Variants in FBXO17 observed in about 807,000 individuals in gnomAD.
FBXO17 encodes F-box protein 17, also known as F-box only protein 17.
Under a neutral mutation model 34.1 loss-of-function variants are expected in FBXO17, and 43 were observed. The ratio of observed to expected loss-of-function variants is 1.26; its 90% CI spans 0.99 to 1.62. The LOEUF (loss-of-function observed/expected upper bound fraction) is 1.62. Among genes scored for constraint, FBXO17 ranks in the 40% most tolerant of loss-of-function variants. The pLI is 0.00. For synonymous variants in FBXO17, 169 were observed against 166.0 expected, an observed-to-expected ratio of 1.02 and a Z score of -0.14; for missense variants, 424 against 386.7, an observed-to-expected ratio of 1.10 and a Z score of -0.81.
intron 2 of FBXO17, among the ~76,000 whole-genome samples, chr19:38,949,565 T>G (rs568830479): frequency 1.1e-4 from 16 of 151,284 alleles, no homozygotes; most frequent in African/African-American, 3.9e-4. Context: ...AAGGTCTCTG[T>G]CACGCAGGCT....
intron 1 of FBXO17, among the ~76,000 whole-genome samples, chr19:38,972,552 A>G (rs1422417781): frequency 6.6e-6 from 1 of 152,000 alleles, no homozygotes; most frequent in African/African-American, 2.4e-5. Context: ...CTCAAAGAAA[A>G]AAAAAAAAAA....
chr19:38,967,074 T>G (rs887936144), intron 1 of FBXO17, among the ~76,000 whole-genome samples: 2 of 152,210 alleles, frequency 1.3e-5, no homozygotes, highest in African/African-American at 4.8e-5. Context: ...AAGTTAAAAC[T>G]TTTGTACTTG....
At chr19:38,967,868 G>A (rs1335574308) in intron 1 of FBXO17, among the ~76,000 whole-genome samples, 1 of 151,996 alleles carries the variant, frequency 6.6e-6, no homozygotes, top group African/African-American at 2.4e-5. Context: ...GCCCAGCTGG[G>A]AAATGCCAAT....
rs1239158710 is a variant in FBXO17 at position 38,950,232 on chromosome 19, G to C, written c.88C>G (p.Leu30Val). 1 of 1,535,080 alleles carries C rather than the reference G, an allele frequency of 6.5e-7. No individual in the cohort carries two copies. The highest frequency in any genetic ancestry group is 1.9e-5 in the Admixed American group (1 of 51,838). ...AAGGAGCGTGGCGGCACGTGGCTCA[G>C]CACCTGCACCAGCAGCTCCGGGGGC... ...ALPPELLVQV[L>V]SHVPPRSLVT... is the part of the protein sequence containing the mutation. Residue 30 changes from leucine to valine, a missense_variant, in exon 2 of 6, where the codon CTG (leucine) becomes GTG (valine). Leu to Val is a conservative substitution (Grantham distance 32, BLOSUM62 1). Transcript: ENST00000292852.
chr19:38,970,819 G>T (rs917605917), intron 1 of FBXO17, among the ~76,000 whole-genome samples: 2 of 152,072 alleles, frequency 1.3e-5, no homozygotes, highest in African/African-American at 4.8e-5. Context: ...TCAAAGTCTA[G>T]GCTGGGCATG....
chr19:38,962,776 G>A (rs1249804413), intron 1 of FBXO17, among the ~76,000 whole-genome samples: 1 of 151,646 alleles, frequency 6.6e-6, no homozygotes, highest in Non-Finnish European at 1.5e-5. Context: ...GAGTGCAGTG[G>A]CAAGATCTCG....
intron 1 of FBXO17, among the ~76,000 whole-genome samples, chr19:38,959,451 G>C (rs1290336975): frequency 2.1e-5 from 3 of 140,704 alleles, no homozygotes; most frequent in Admixed American, 7.0e-5. Context: ...GCTAATTTTT[G>C]TATTTTTTTT....
chr19:38,961,914 C>T (rs1975255848), intron 1 of FBXO17, among the ~76,000 whole-genome samples: 3 of 151,960 alleles, frequency 2.0e-5, no homozygotes, highest in Admixed American at 2.0e-4. Context: ...CCGCCTGCGT[C>T]GGCCTCCCAA....
chr19:38,950,443 G>A, intron 1 of FBXO17, 107 bp from the exon 2 acceptor site: 1 of 1,335,876 alleles, frequency 7.5e-7, no homozygotes, highest in Non-Finnish European at 9.6e-7. Flanking sequence ...ACCCCATTAG[G>A]TCCATGGGCA....
intron 5 of FBXO17, 60 bp downstream of exon 5, chr19:38,944,909 G>C: frequency 6.3e-7 from 1 of 1,599,346 alleles, no homozygotes; most frequent in Non-Finnish European, 8.5e-7. Flanking sequence ...GAGCAGACGA[G>C]AGGCTGGGCG....
In FBXO17 at chr19:38,942,731, G is replaced by A. The variant is rs528874828; in HGVS notation, c.714C>T (p.Asn238=). 7 of 1,606,982 alleles carry A rather than the reference G, an allele frequency of 4.4e-6. No individual in the cohort carries two copies. The African/African-American group carries it at 5.4e-5, about 12-fold the overall frequency. Residue 238 remains asparagine (N), a synonymous_variant, in exon 6 of 6, where the codon AAC becomes AAT. Coordinates refer to ENST00000292852, the MANE Select transcript of FBXO17 (RefSeq NM_024907.7). ...GCRQVSHVFT[N]FGKGIRYVSF... ...ATACGTAGCGGATGCCCTTGCCAAA[G>A]TTGGTGAAGACGTGGGAGACCTGCA...
rs1227656466 is a variant in FBXO17 at position 38,942,670 on chromosome 19, C to T, written c.775G>A (p.Val259Met). 5 of 1,601,594 alleles carry T rather than the reference C, an allele frequency of 3.1e-6. No homozygotes were observed. In the Admixed American group the frequency reaches 8.6e-5, roughly 28 times the overall value. ...EQYGRDVSSW[V>M]GHYGALVTHS... The stretch of plus-strand genomic sequence containing the variant: ...GTCACAAGGGCGCCATAGTGCCCCA[C>T]CCAGGAACTCACGTCTCTCCCGTAC... Residue 259 changes from valine to methionine, a missense_variant, in exon 6 of 6, where the codon GTG (valine) becomes ATG (methionine). Transcript: ENST00000292852.
intron 3 of FBXO17, 67 bp downstream of exon 3, chr19:38,948,500 G>T: frequency 8.1e-7 from 1 of 1,229,740 alleles, no homozygotes. Flanking sequence ...GGACAGTGTG[G>T]GGGGTAGGGT....
intron 1 of FBXO17, among the ~76,000 whole-genome samples, chr19:38,967,093 A>G (rs969753405): frequency 6.6e-6 from 1 of 152,256 alleles, no homozygotes; most frequent in African/African-American, 2.4e-5. Flanking sequence ...TGCACATTAT[A>G]TATCTGATAA....
At chr19:38,944,785 TAATGA>T in intron 5 of FBXO17, 179 bp downstream of exon 5, 1 of 782,106 alleles carries the variant, frequency 1.3e-6, no homozygotes, top group Non-Finnish European at 2.0e-6. Context: ...GGGGTTTTGC[TAATGA>T]AATGAATCGA....
chr19:38,968,665 G>T (rs1471743034), intron 1 of FBXO17, among the ~76,000 whole-genome samples: 1 of 151,994 alleles, frequency 6.6e-6, no homozygotes, highest in African/African-American at 2.4e-5. Flanking sequence ...ATGTCTATTA[G>T]CTGATGAATG....
At chr19:38,954,576 G>GTA (rs1479089986) in intron 1 of FBXO17, among the ~76,000 whole-genome samples, 50 of 112,116 alleles carry the variant, frequency 4.5e-4, no homozygotes, top group Middle Eastern at 7.4e-3. Flanking sequence ...GGCCGAGAAT[G>GTA]TGTTTTTTTT....
chr19:38,946,246 C>G (rs1001648147), intron 4 of FBXO17: 2 of 716,778 alleles, frequency 2.8e-6, no homozygotes, highest in Non-Finnish European at 4.4e-6. Flanking sequence ...GTGGACCACC[C>G]CAGCCTGCTG....
Position 38,948,587 on chromosome 19 carries a change from G to A in FBXO17, c.441C>T (p.Thr147=), listed in dbSNP as rs759198416. The change falls in exon 3 of 6, where the codon ACC becomes ACT. Residue 147 remains threonine, a synonymous_variant. Coordinates refer to ENST00000292852, the MANE Select transcript of FBXO17 (RefSeq NM_024907.7). ...CTCACTCGAAAGAGGTCACGAAGCA[G>A]GTCTGCGAAGGAGCCCCAGGCACCG... ...LTPVPGAPSQ[T]CFVTSFEWCS... 2 of 1,614,096 alleles carry A rather than the reference G, an allele frequency of 1.2e-6. No homozygotes were observed. Among genetic ancestry groups the A allele is most frequent in the South Asian group, 1.1e-5 (1 of 91,072 alleles).
Sources: allele counts gnomAD v4.1 joint callset (sites outside exome capture counted in the v4.1 genomes callset), GRCh38; gene constraint gnomAD v4.1.1; transcripts MANE v1.5; gene names NCBI Gene and HGNC (gene_info 2026-07-23, HGNC 2026-07-21).